The following AKAP12 variants were observed in gnomAD, a reference collection of about 807,000 sequenced individuals.
The protein encoded by AKAP12 is A-kinase anchor protein 12.
Under a neutral mutation model 79.9 loss-of-function variants are expected in AKAP12, and 32 were observed. That is an observed-to-expected ratio of 0.40 (90% confidence interval 0.30 to 0.54). The LOEUF (loss-of-function observed/expected upper bound fraction) is 0.54. Among genes scored for constraint, AKAP12 ranks in the 20% least tolerant of loss-of-function variants. AKAP12 has a pLI of 0.48. For missense variants in AKAP12, 2,074 were observed against 2,177.0 expected, an observed-to-expected ratio of 0.95 and a Z score of 0.94; for synonymous variants, 808 against 857.0, an observed-to-expected ratio of 0.94 and a Z score of 1.00.
intron 2 of AKAP12, among the ~76,000 whole-genome samples, chr6:151,255,837 G>C (rs1029241527): frequency 2.0e-5 from 3 of 152,170 alleles, no homozygotes; most frequent in African/African-American, 7.2e-5. Context: ...ATGGACAATT[G>C]ATGTGTAAAT....
chr6:151,252,494 C>T (rs1797200581), intron 2 of AKAP12, among the ~76,000 whole-genome samples: 1 of 151,904 alleles, frequency 6.6e-6, no homozygotes, highest in Non-Finnish European at 1.5e-5. Context: ...CCGTGCCTGG[C>T]CAGAAAGTCA....
At chr6:151,305,638 T>G in intron 2 of AKAP12, 109 bp from the exon 3 acceptor site, 2 of 1,107,766 alleles carry the variant, frequency 1.8e-6, no homozygotes, top group Non-Finnish European at 2.6e-6. Context: ...GAACTTCCTT[T>G]TCTCTGTATT....
At chr6:151,268,627 G>A (rs907591481) in intron 2 of AKAP12, among the ~76,000 whole-genome samples, 3 of 152,062 alleles carry the variant, frequency 2.0e-5, no homozygotes, top group African/African-American at 7.2e-5. Context: ...AAGACTTGTG[G>A]TTTTTTGTTT....
At position 151,349,312 on chromosome 6, in the gene AKAP12, G is replaced by A; in HGVS notation, c.921G>A (p.Trp307Ter). ...TCTTCACTCAAGGTTGGGCCGGCTGGCGCAAAAAGACCAGTTTCAGGAAGC... is the reference window on the plus strand; with the variant it reads ...TCTTCACTCAAGGTTGGGCCGGCTGACGCAAAAAGACCAGTTTCAGGAAGC... The part of the protein sequence containing the change: ...KKFFTQGWAG[W>*]RKKTSFRKPK... Residue 307 changes from tryptophan (W) to a stop codon, truncating the protein, a stop_gained, in exon 4 of 5, where the codon TGG becomes TGA. Coordinates refer to ENST00000402676, the MANE Select transcript of AKAP12 (RefSeq NM_005100.4). LOFTEE classifies it high-confidence loss of function. 6.2e-7 allele frequency: 1 copy of A among 1,613,886 alleles called. No individual in the cohort carries two copies. The highest frequency in any genetic ancestry group is 8.5e-7 in the Non-Finnish European group (1 of 1,179,950).
At chr6:151,329,490 A>G (rs1777615777) in intron 3 of AKAP12, among the ~76,000 whole-genome samples, 1 of 152,222 alleles carries the variant, frequency 6.6e-6, no homozygotes, top group South Asian at 2.1e-4. Flanking sequence ...GATACATTGC[A>G]AACTGTGAAG....
chr6:151,313,844 A>T (rs1048008837), intron 3 of AKAP12, among the ~76,000 whole-genome samples: 1 of 152,134 alleles, frequency 6.6e-6, no homozygotes, highest in African/African-American at 2.4e-5. Context: ...GTTTTCATCT[A>T]TGAAATGAGC....
chr6:151,348,680 T>TTCA, intron 3 of AKAP12, 31 bp from the exon 4 acceptor site: 4 of 355,196 alleles, frequency 1.1e-5, no homozygotes, highest in East Asian at 5.8e-5. Flanking sequence ...TTTTCTCTTC[T>TTCA]CCCCACCCCC....
intron 2 of AKAP12, among the ~76,000 whole-genome samples, chr6:151,253,865 C>G (rs1449072063): frequency 6.6e-6 from 1 of 151,946 alleles, no homozygotes; most frequent in African/African-American, 2.4e-5. Context: ...AGCCACCACA[C>G]CTGGCTAATT....
intron 2 of AKAP12, chr6:151,298,724 A>G (rs1776790290): frequency 6.6e-6 from 1 of 151,746 alleles, no homozygotes; most frequent in South Asian, 2.1e-4. Context: ...TGAACCCAGG[A>G]GGCGGAGGTT....
intron 2 of AKAP12, among the ~76,000 whole-genome samples, chr6:151,261,445 C>T (rs1172235795): frequency 1.3e-5 from 2 of 151,976 alleles, no homozygotes; most frequent in South Asian, 4.1e-4. Flanking sequence ...AATCCCAGCA[C>T]TTTGGGAGGC....
At position 151,352,789 on chromosome 6, in the gene AKAP12, T is replaced by C. The variant is rs1778332545; in HGVS notation, c.4398T>C (p.Ala1466=). 6.2e-7 allele frequency: 1 copy of C among 1,614,158 alleles called. No individual in the cohort carries two copies. Among genetic ancestry groups the C allele is most frequent in the Non-Finnish European group, 8.5e-7 (1 of 1,180,036 alleles). The part of the protein sequence containing the change: ...KSSEKNEDFA[A]HPGEDAVPTG... ...CTGAAAAAAATGAAGACTTTGCCGCTCATCCAGGGGAAGATGCTGTGCCCA... is the reference window on the plus strand; with the variant it reads ...CTGAAAAAAATGAAGACTTTGCCGCCCATCCAGGGGAAGATGCTGTGCCCA... The change falls in exon 4 of 5, where the codon GCT becomes GCC. Residue 1466 remains alanine (A), a synonymous_variant. Coordinates refer to ENST00000402676, the MANE Select transcript of AKAP12 (RefSeq NM_005100.4).
chr6:151,334,915 G>T (rs954796173), intron 3 of AKAP12, among the ~76,000 whole-genome samples: 10 of 152,064 alleles, frequency 6.6e-5, no homozygotes, highest in Non-Finnish European at 1.3e-4. Context: ...GAACCGCCGC[G>T]CCCGGCCTTC....
At chr6:151,344,730 C>T (rs1015944527) in intron 3 of AKAP12, among the ~76,000 whole-genome samples, 5 of 152,104 alleles carry the variant, frequency 3.3e-5, no homozygotes, top group African/African-American at 7.2e-5. Flanking sequence ...GACGGGGTTT[C>T]ACCATGTTGG....
Position 151,296,683 on chromosome 6 carries a change from G to A in AKAP12, c.163-9064G>A, listed in dbSNP as rs1426308233. On this transcript the variant is annotated intron_variant, in intron 2 of 4. Coordinates refer to ENST00000402676, the MANE Select transcript of AKAP12 (RefSeq NM_005100.4). ...TCCCAGCTACTCAGGAGGCTGAAACGGGAGAATCTCTGGACCCCGGGAGGT... is the reference window on the plus strand; with the variant it reads ...TCCCAGCTACTCAGGAGGCTGAAACAGGAGAATCTCTGGACCCCGGGAGGT... 2.0e-5 allele frequency among the ~76,000 whole-genome samples: 3 copies of A among 152,172 alleles called. No homozygotes were observed. The East Asian group carries it at 5.8e-4, about 30-fold the overall frequency.
At chr6:151,248,742 C>T (rs946427851) in intron 2 of AKAP12, among the ~76,000 whole-genome samples, 2 of 152,162 alleles carry the variant, frequency 1.3e-5, no homozygotes, top group Non-Finnish European at 2.9e-5. Flanking sequence ...GTAATCCCAG[C>T]ACTTTGGGAG....
chr6:151,321,321 C>A (rs1473065074), intron 3 of AKAP12, among the ~76,000 whole-genome samples: 1 of 152,140 alleles, frequency 6.6e-6, no homozygotes, highest in Non-Finnish European at 1.5e-5. Flanking sequence ...GAAACTCCAT[C>A]CTGGTTAGCT....
chr6:151,353,307 A>G lies in AKAP12; in HGVS notation c.4916A>G (p.Glu1639Gly), dbSNP rs527506127. ...DISKDMSEAS[E>G]KTMTVEVEGS... ...TCCAAAGACATGAGTGAAGCCTCAG[A>G]AAAGACCATGACTGTTGAGGTAGAA... The change falls in exon 4 of 5, where the codon GAA becomes GGA. Residue 1639 changes from glutamate to glycine, a missense_variant. Glu to Gly is a moderately conservative substitution (Grantham distance 98). Transcript: ENST00000402676. The G allele has an allele frequency of 6.2e-7, 1 of 1,614,214 alleles. No individual in the cohort carries two copies. The highest frequency in any genetic ancestry group is 1.3e-5 in the African/African-American group (1 of 75,064).
chr6:151,331,180 A>G (rs1777656359), intron 3 of AKAP12, among the ~76,000 whole-genome samples: 4 of 152,216 alleles, frequency 2.6e-5, no homozygotes, highest in Admixed American at 6.5e-5. Context: ...CTACATCACT[A>G]AAGATGTAAC....
At position 151,268,434 on chromosome 6, in the gene AKAP12, A is replaced by C. The variant is rs570862379; in HGVS notation, c.162+27710A>C. On this transcript the variant is annotated intron_variant, in intron 2 of 4. Coordinates refer to ENST00000402676, the MANE Select transcript of AKAP12 (RefSeq NM_005100.4). The stretch of plus-strand genomic sequence containing the variant: ...CTCCGTCTCAAAACAAACAAACAAA[A>C]AAATAGTGTGACTATATGTTCTCAA... 8.5e-5 allele frequency among the ~76,000 whole-genome samples: 13 copies of C among 152,284 alleles called. No homozygotes were observed. In the South Asian group the frequency reaches 1.0e-3, roughly 12 times the overall value.
Sources: gnomAD v4.1 joint callset for allele counts (sites outside exome capture counted in the v4.1 genomes callset) on GRCh38, gnomAD v4.1.1 for gene constraint, MANE v1.5 for transcripts, NCBI Gene and HGNC (gene_info 2026-07-23, HGNC 2026-07-21) for gene names.